Variants in PDZD2 observed in about 807,000 individuals in gnomAD.
PDZD2 encodes PDZ domain-containing protein 2.
PDZD2 carries 90 observed loss-of-function variants against 220.7 expected under a neutral mutation model. The observed-to-expected ratio is 0.41, with a 90% CI of 0.34 to 0.49. The LOEUF (loss-of-function observed/expected upper bound fraction) is 0.49, where lower values mean the gene tolerates loss of function less well. Ranked by LOEUF, PDZD2 falls within the 20% of genes least tolerant of loss-of-function variation. The pLI, the probability that PDZD2 is intolerant of heterozygous loss-of-function variation, is 0.28. For missense variants in PDZD2, 3,174 were observed against 3,608.5 expected (o/e 0.88, Z 3.08); for synonymous variants, 1,375 against 1,450.5 (o/e 0.95, Z 1.18).
At position 31,790,691 on chromosome 5, in the gene PDZD2, A is replaced by ATTTTTT. The variant is rs869296191; in HGVS notation, c.-360-8178_-360-8173dup. Among the ~76,000 whole-genome samples the ATTTTTT allele has an allele frequency of 3.0e-4, 23 of 75,514 alleles. 1 individual carries two copies. The East Asian group carries it at 3.5e-3, about 11-fold the overall frequency. The allele number at this position is 75,514 out of a possible 152,430, so 49.5% of individuals were successfully genotyped here. A position where few individuals can be genotyped will look rare whatever the true frequency, so the allele number is the denominator to read the frequency against. On this transcript the variant is annotated intron_variant, in intron 1 of 24. Transcript: ENST00000438447. ...CTTAGAATCCGCACCTATCTCTCTA[A>ATTTTTT]TTTTTTTTTTTTTTTTTTTTTTTTT...
rs1752435554 is a variant in PDZD2, at chr5:31,773,223, C to A, written c.-360-25666C>A. Among the ~76,000 whole-genome samples the A allele has an allele frequency of 3.3e-5, 5 of 152,198 alleles. No individual in the cohort carries two copies. The South Asian group carries it at 1.0e-3, about 31-fold the overall frequency. On this transcript the variant is annotated intron_variant, in intron 1 of 24. Coordinates refer to ENST00000438447, the MANE Select transcript of PDZD2 (RefSeq NM_178140.4). Reference sequence around the variant, plus strand: ...GTTCCAAAACCAAGTCAACTTGGGGCTAGTAGCCCCTTTCCTTTACTCAAA... The same window carrying A: ...GTTCCAAAACCAAGTCAACTTGGGGATAGTAGCCCCTTTCCTTTACTCAAA...
chr5:31,847,799 G>C, intron 2 of PDZD2: 1 of 573,658 alleles, frequency 1.7e-6, no homozygotes, highest in Non-Finnish European at 3.4e-6. Context: ...AGTACCAGAC[G>C]ATTCCCTGGT....
At chr5:31,998,558 G>A (rs1191104742) in intron 4 of PDZD2, among the ~76,000 whole-genome samples, 3 of 152,170 alleles carry the variant, frequency 2.0e-5, no homozygotes, top group East Asian at 1.9e-4. Context: ...GGAGACAAAC[G>A]GAGCTTCTGG....
Position 31,872,142 on chromosome 5 carries a change from G to GGTGTGTGT in PDZD2, c.476+72439_476+72446dup, listed in dbSNP as rs55806241. Among the ~76,000 whole-genome samples the GGTGTGTGT allele has an allele frequency of 5.8e-3, 852 of 147,752 alleles. 5 individuals are homozygous for GGTGTGTGT. Among genetic ancestry groups the GGTGTGTGT allele is most frequent in the African/African-American group, 0.016 (657 of 40,080 alleles). Reference sequence around the variant, plus strand: ...TTGTGTTGAGCAGATTAAGGTGAGTGGTGTGTGTGTGTGTGTGTGTGTGTG... The same window carrying GGTGTGTGT: ...TTGTGTTGAGCAGATTAAGGTGAGTGGTGTGTGTGTGTGTGTGTGTGTGTGTGTGTGTG... On this transcript the variant is annotated intron_variant, in intron 2 of 24. Coordinates refer to ENST00000438447, the MANE Select transcript of PDZD2 (RefSeq NM_178140.4).
chr5:31,977,843 G>A (rs1332681691), intron 2 of PDZD2, among the ~76,000 whole-genome samples: 12 of 152,084 alleles, frequency 7.9e-5, no homozygotes, highest in African/African-American at 1.9e-4. Context: ...GCATGGTAGC[G>A]TGCACCCGTA....
chr5:32,003,424 C>T, intron 5 of PDZD2, among the ~76,000 whole-genome samples: 1 of 118,298 alleles, frequency 8.5e-6, no homozygotes, highest in Non-Finnish European at 1.8e-5. Context: ...ACACACACCC[C>T]CCCCACACAC....
chr5:31,732,770 C>A (rs911065682), intron 1 of PDZD2, among the ~76,000 whole-genome samples: 1 of 152,094 alleles, frequency 6.6e-6, no homozygotes, highest in Non-Finnish European at 1.5e-5. Context: ...ACTCTGTCAC[C>A]CAGACTGGAG....
chr5:32,003,543 G>T (rs896259662), intron 5 of PDZD2, among the ~76,000 whole-genome samples: 1 of 145,862 alleles, frequency 6.9e-6, no homozygotes, highest in Non-Finnish European at 1.5e-5. Flanking sequence ...CACACACACA[G>T]AGGCATGTGT....
At chr5:31,669,317 A>T (rs1249393352) in intron 1 of PDZD2, among the ~76,000 whole-genome samples, 1 of 150,666 alleles carries the variant, frequency 6.6e-6, no homozygotes, top group Non-Finnish European at 1.5e-5. Flanking sequence ...CAGGAGGATC[A>T]CTGGAGCCCA....
At chr5:32,049,046 C>T (rs1738254600) in intron 8 of PDZD2, among the ~76,000 whole-genome samples, 1 of 152,036 alleles carries the variant, frequency 6.6e-6, no homozygotes, top group Non-Finnish European at 1.5e-5. Context: ...GGTATGGGCA[C>T]ATGTATGAGA....
intron 1 of PDZD2, among the ~76,000 whole-genome samples, chr5:31,755,662 T>C (rs1751267320): frequency 6.6e-6 from 1 of 151,988 alleles, no homozygotes; most frequent in African/African-American, 2.4e-5. Context: ...GTAAACATCT[T>C]TAAAAAGGAC....
chr5:31,753,660 C>T (rs1186497634), intron 1 of PDZD2, among the ~76,000 whole-genome samples: 5 of 152,060 alleles, frequency 3.3e-5, no homozygotes, highest in Non-Finnish European at 7.4e-5. Context: ...TCCAGATAAC[C>T]CACAGTATTG....
chr5:31,998,374 G>A (rs1455450248), intron 4 of PDZD2, among the ~76,000 whole-genome samples: 1 of 152,200 alleles, frequency 6.6e-6, no homozygotes, highest in Non-Finnish European at 1.5e-5. Context: ...ATTCTCTGGT[G>A]TCTCCTGTCT....
chr5:31,996,567 G>A (rs569158052), intron 4 of PDZD2, among the ~76,000 whole-genome samples: 1 of 152,266 alleles, frequency 6.6e-6, no homozygotes, highest in South Asian at 2.1e-4. Context: ...CGTGAGCCAG[G>A]TGTGATGGCT....
intron 1 of PDZD2, among the ~76,000 whole-genome samples, chr5:31,673,415 A>G (rs1227391673): frequency 6.6e-6 from 1 of 152,216 alleles, no homozygotes; most frequent in African/African-American, 2.4e-5. Flanking sequence ...GCCATGTTTG[A>G]TAAGTCCTAC....
At chr5:31,885,805 A>G (rs1740408063) in intron 2 of PDZD2, among the ~76,000 whole-genome samples, 1 of 152,234 alleles carries the variant, frequency 6.6e-6, no homozygotes, top group Non-Finnish European at 1.5e-5. Context: ...TGACATGAAA[A>G]CCAGAAAACA....
At position 32,090,319 on chromosome 5, in the gene PDZD2, C is replaced by T; in HGVS notation, c.6871C>T (p.Pro2291Ser). The T allele has an allele frequency of 6.2e-7, 1 of 1,614,186 alleles. No homozygotes were observed. Among genetic ancestry groups the T allele is most frequent in the Non-Finnish European group, 8.5e-7 (1 of 1,180,014 alleles). The change falls in exon 20 of 25, where the codon CCA (proline) becomes TCA (serine). Residue 2291 changes from proline (P) to serine (S), a missense_variant. Coordinates refer to ENST00000438447, the MANE Select transcript of PDZD2 (RefSeq NM_178140.4). This position sits in a 1 kb window ranked among gnomAD's most constrained non-coding sequence, Gnocchi z 4.3. ...KPLLDTSRNL[P>S]ATDEGDIISV... ...GCTGCTGGACACATCGAGGAATCTT[C>T]CAGCCACAGATGAAGGGGATATCAT...
At chr5:32,105,480 G>A (rs1185135374) in intron 24 of PDZD2, among the ~76,000 whole-genome samples, 1 of 152,048 alleles carries the variant, frequency 6.6e-6, no homozygotes, top group African/African-American at 2.4e-5. Flanking sequence ...CAGTGCTTAC[G>A]AAAATGGAAG....
intron 1 of PDZD2, among the ~76,000 whole-genome samples, chr5:31,702,180 G>C (rs1747638572): frequency 6.6e-6 from 1 of 152,164 alleles, no homozygotes; most frequent in Non-Finnish European, 1.5e-5. Context: ...GAGGGGGTGA[G>C]AGTTATGGAG....
Sources: gnomAD v4.1 joint callset for allele counts (sites outside exome capture counted in the v4.1 genomes callset) on GRCh38, gnomAD v4.1.1 for gene constraint, Gnocchi (gnomAD v3.1) non-coding constraint, MANE v1.5 for transcripts, NCBI Gene and HGNC (gene_info 2026-07-23, HGNC 2026-07-21) for gene names.